ASAP2: variants seen among roughly 807,000 people sequenced by gnomAD.
ASAP2 encodes arf-GAP with SH3 domain, ANK repeat and PH domain-containing protein 2.
In ASAP2, 45 loss-of-function variants were observed where a neutral mutation model predicts 131.4. The ratio of observed to expected loss-of-function variants is 0.34; its 90% CI spans 0.27 to 0.44. ASAP2 has a LOEUF of 0.44. ASAP2 is among the 20% of genes least tolerant of loss of function. The pLI, the probability that ASAP2 is intolerant of heterozygous loss-of-function variation, is 1.00. For synonymous variants in ASAP2, 510 were observed against 503.0 expected (o/e 1.01, Z -0.19); for missense variants, 1,011 against 1,297.0 (o/e 0.78, Z 3.39).
At chr2:9,381,509 G>A (rs377095422) in intron 20 of ASAP2, among the ~76,000 whole-genome samples, 4 of 152,222 alleles carry the variant, frequency 2.6e-5, no homozygotes, top group African/African-American at 9.7e-5. Context: ...CTAAGGCAGG[G>A]GATGATGGCT....
At chr2:9,277,057 G>A (rs1646919319) in intron 1 of ASAP2, among the ~76,000 whole-genome samples, 1 of 152,198 alleles carries the variant, frequency 6.6e-6, no homozygotes, top group Admixed American at 6.5e-5. Context: ...GGCAAAGCCT[G>A]GAGCCGGCCC....
chr2:9,368,626 T>C, intron 16 of ASAP2, 107 bp downstream of exon 16: 1 of 870,120 alleles, frequency 1.1e-6, no homozygotes, highest in Non-Finnish European at 1.9e-6. Flanking sequence ...TCGTTGCTTC[T>C]TTAGGGAATA....
chr2:9,370,254 C>A (rs945323203), intron 16 of ASAP2, among the ~76,000 whole-genome samples: 1 of 152,102 alleles, frequency 6.6e-6, no homozygotes, highest in Non-Finnish European at 1.5e-5. Context: ...CAGAACATTG[C>A]GAGGGAGTGA....
intron 3 of ASAP2, among the ~76,000 whole-genome samples, chr2:9,309,227 G>T (rs1223982383): frequency 6.6e-6 from 1 of 152,216 alleles, no homozygotes; most frequent in Non-Finnish European, 1.5e-5. Context: ...CAACTCAAAT[G>T]TCCATCAGCA....
intron 3 of ASAP2, among the ~76,000 whole-genome samples, chr2:9,317,515 T>C (rs987738649): frequency 5.7e-5 from 8 of 141,246 alleles, no homozygotes; most frequent in African/African-American, 2.1e-4. Flanking sequence ...ACCCCCACAA[T>C]CACACCCCAC....
At position 9,388,423 on chromosome 2, in the gene ASAP2, A is replaced by T. The variant is rs1010512784; in HGVS notation, c.2260A>T (p.Met754Leu). The T allele has an allele frequency of 1.2e-5, 19 of 1,614,006 alleles. No homozygotes were observed. Among genetic ancestry groups the T allele is most frequent in the African/African-American group, 2.7e-5 (2 of 74,902 alleles). ...NLAKEKQRAF[M>L]PSILQNETYG... ...TGCCAAGGAGAAGCAGAGGGCTTTCATGCCCAGCATCTTGCAGAATGAGAC... is the reference window on the plus strand; with the variant it reads ...TGCCAAGGAGAAGCAGAGGGCTTTCTTGCCCAGCATCTTGCAGAATGAGAC... The change falls in exon 22 of 28, where the codon ATG (methionine) becomes TTG (leucine). Residue 754 changes from methionine to leucine, a missense_variant. Coordinates refer to ENST00000281419, the MANE Select transcript of ASAP2 (RefSeq NM_003887.3).
intron 2 of ASAP2, 43 bp downstream of exon 2, chr2:9,279,432 T>C (rs757268479): frequency 5.5e-5 from 88 of 1,586,196 alleles, no homozygotes; most frequent in Non-Finnish European, 7.3e-5. Context: ...GTGGAAAATG[T>C]CGCATTTGAA....
intron 16 of ASAP2, among the ~76,000 whole-genome samples, chr2:9,369,588 G>A (rs1036155282): frequency 2.0e-5 from 3 of 152,194 alleles, no homozygotes; most frequent in African/African-American, 7.2e-5. Flanking sequence ...AGAGGCTACT[G>A]GGCCAGTTAA....
In ASAP2 at chr2:9,248,782, T is replaced by C. The variant is rs576681340; in HGVS notation, c.127-30535T>C. On this transcript the variant is annotated intron_variant, in intron 1 of 27. Transcript: ENST00000281419. ...TTGTATATTTCAATTAGATGGCAGT[T>C]CTTTATGGCCAGGGACCCTGTCCCT... Among the ~76,000 whole-genome samples the C allele has an allele frequency of 1.8e-4, 28 of 152,226 alleles. No homozygotes were observed. In the East Asian group the frequency reaches 5.2e-3, roughly 28 times the overall value.
At chr2:9,400,289 CT>C (rs1676546015) in intron 25 of ASAP2, among the ~76,000 whole-genome samples, 4 of 58,586 alleles carry the variant, frequency 6.8e-5, no homozygotes, top group Admixed American at 2.8e-4. Context: ...TCCCTCCTTC[CT>C]TCCTTCCTCC....
At chr2:9,361,248 A>G (rs1372154101) in intron 15 of ASAP2, among the ~76,000 whole-genome samples, 1 of 152,102 alleles carries the variant, frequency 6.6e-6, no homozygotes, top group East Asian at 1.9e-4. Flanking sequence ...TTTTTTCCTC[A>G]GTGGTTATCA....
intron 3 of ASAP2, among the ~76,000 whole-genome samples, chr2:9,308,650 C>T (rs558002983): frequency 4.6e-5 from 7 of 152,118 alleles, no homozygotes; most frequent in Non-Finnish European, 1.0e-4. Context: ...ACCATCTTGC[C>T]CTGTGCCAGC....
At chr2:9,270,458 T>C (rs1666262898) in intron 1 of ASAP2, among the ~76,000 whole-genome samples, 1 of 152,084 alleles carries the variant, frequency 6.6e-6, no homozygotes, top group Non-Finnish European at 1.5e-5. Context: ...GGGTACGTGG[T>C]ATATATTTTT....
chr2:9,367,812 G>A (rs933995727), intron 15 of ASAP2, among the ~76,000 whole-genome samples: 2 of 152,194 alleles, frequency 1.3e-5, no homozygotes, highest in Non-Finnish European at 2.9e-5. Context: ...AGATTGATTG[G>A]CAAGTAAAGA....
At chr2:9,355,329 T>C (rs1245620558) in intron 12 of ASAP2, among the ~76,000 whole-genome samples, 1 of 152,166 alleles carries the variant, frequency 6.6e-6, no homozygotes, top group Admixed American at 6.5e-5. Flanking sequence ...TCTTAAAGAG[T>C]ATTGACCTGT....
At chr2:9,278,976 C>T (rs115390045) in intron 1 of ASAP2, among the ~76,000 whole-genome samples, 284 of 152,278 alleles carry the variant, frequency 1.9e-3, no homozygotes, top group African/African-American at 6.0e-3. Flanking sequence ...CCAAGGAGAA[C>T]GGAGGGTTCG....
Position 9,374,808 on chromosome 2 carries a change from G to A in ASAP2, c.1610G>A (p.Arg537Lys). 6.2e-7 allele frequency: 1 copy of A among 1,613,140 alleles called. No individual in the cohort carries two copies. Among genetic ancestry groups the A allele is most frequent in the African/African-American group, 1.3e-5 (1 of 75,010 alleles). Residue 537 changes from arginine (R) to lysine (K), a missense_variant, in exon 17 of 28, where the codon AGG becomes AAG. Physicochemically the swap from Arg to Lys is conservative, Grantham distance 26. Coordinates refer to ENST00000281419, the MANE Select transcript of ASAP2 (RefSeq NM_003887.3). ...TAKYIERRYA[R>K]KKHADNAAKL... ...AAGTACATCGAGAGGAGATACGCAA[G>A]GAAGAAGCACGCGGATAACGCGGCG...
chr2:9,354,645 C>CAAAA (rs566781964), intron 12 of ASAP2, among the ~76,000 whole-genome samples: 11 of 74,022 alleles, frequency 1.5e-4, no homozygotes, highest in African/African-American at 4.4e-4. Flanking sequence ...GACTCCGTCT[C>CAAAA]AAAAAAAAAA....
At chr2:9,312,032 A>G (rs1029461531) in intron 3 of ASAP2, among the ~76,000 whole-genome samples, 1 of 152,228 alleles carries the variant, frequency 6.6e-6, no homozygotes, top group African/African-American at 2.4e-5. Flanking sequence ...TTTGTTAAGC[A>G]TATTTTATGT....
Sources: gnomAD v4.1 joint callset for allele counts (sites outside exome capture counted in the v4.1 genomes callset) on GRCh38, gnomAD v4.1.1 for gene constraint, MANE v1.5 for transcripts, NCBI Gene and HGNC (gene_info 2026-07-23, HGNC 2026-07-21) for gene names.